The following TMEM132D variants were observed in gnomAD, a reference collection of about 807,000 sequenced individuals.
TMEM132D encodes transmembrane protein 132D.
In TMEM132D, 21 loss-of-function variants were observed where a neutral mutation model predicts 62.3. That is an observed-to-expected ratio of 0.34 (90% CI 0.24 to 0.49). The LOEUF (loss-of-function observed/expected upper bound fraction) is 0.49. Ranked by LOEUF, TMEM132D falls within the 20% of genes least tolerant of loss-of-function variation. The pLI is 0.99. For missense variants in TMEM132D, 1,346 were observed against 1,402.8 expected (o/e 0.96, Z 0.65); for synonymous variants, 621 against 575.6 (o/e 1.08, Z -1.13).
intron 6 of TMEM132D, among the ~76,000 whole-genome samples, chr12:129,082,329 G>A (rs1715493839): frequency 6.6e-6 from 1 of 152,184 alleles, no homozygotes; most frequent in Non-Finnish European, 1.5e-5. Context: ...GCTGGACCTA[G>A]TTTCTTTCAT....
chr12:129,380,555 C>A (rs1010781784), intron 3 of TMEM132D, among the ~76,000 whole-genome samples: 1 of 94,764 alleles, frequency 1.1e-5, no homozygotes, highest in African/African-American at 4.0e-5. Context: ...TACTTGCAGA[C>A]GTTGTGTGTG....
chr12:129,204,707 G>A (rs940129923), intron 5 of TMEM132D, among the ~76,000 whole-genome samples: 26 of 152,042 alleles, frequency 1.7e-4, no homozygotes, highest in African/African-American at 6.0e-4. Flanking sequence ...CAAGAAGAAC[G>A]TCCCCAAGAC....
rs1472033057 is a variant in TMEM132D at position 129,903,387 on chromosome 12, C to A, written c.-48G>T. ...CCTCCGCTCCCCGGCGCCGTCCAGGCGAACAAGAGACCGTCTCAGTCCCCT... is the reference window on the plus strand; with the variant it reads ...CCTCCGCTCCCCGGCGCCGTCCAGGAGAACAAGAGACCGTCTCAGTCCCCT... On this transcript the variant is annotated 5_prime_UTR_variant, in exon 1 of 9. Transcript: ENST00000422113. This position sits in a 1 kb window ranked among gnomAD's most constrained non-coding sequence, Gnocchi z 6.2. 3.9e-6 allele frequency: 6 copies of A among 1,539,476 alleles called. No homozygotes were observed. The highest frequency in any genetic ancestry group is 1.7e-4 in the Middle Eastern group (1 of 5,858).
intron 1 of TMEM132D, among the ~76,000 whole-genome samples, chr12:129,792,009 CGTT>C (rs1459154015): frequency 6.6e-6 from 1 of 152,200 alleles, no homozygotes; most frequent in Non-Finnish European, 1.5e-5. Flanking sequence ...TCAAGGGTGA[CGTT>C]GTGAGGGGGC....
intron 2 of TMEM132D, among the ~76,000 whole-genome samples, chr12:129,587,960 G>A (rs965550218): frequency 6.6e-6 from 1 of 152,172 alleles, no homozygotes; most frequent in African/African-American, 2.4e-5. Flanking sequence ...TCCTGGTGCA[G>A]ACAGACCTGA....
At chr12:129,425,502 G>C (rs146514622) in intron 3 of TMEM132D, among the ~76,000 whole-genome samples, 1 of 150,008 alleles carries the variant, frequency 6.7e-6, no homozygotes, top group African/African-American at 2.5e-5. Flanking sequence ...CTGGCTTAAT[G>C]TTCTTTGCAA....
At chr12:129,094,321 A>T (rs1281816525) in intron 5 of TMEM132D, among the ~76,000 whole-genome samples, 1 of 152,270 alleles carries the variant, frequency 6.6e-6, no homozygotes, top group Admixed American at 6.5e-5. Flanking sequence ...CAATGAACTC[A>T]AACAAATTTA....
At chr12:129,087,752 T>C (rs1323704575) in intron 5 of TMEM132D, among the ~76,000 whole-genome samples, 1 of 152,204 alleles carries the variant, frequency 6.6e-6, no homozygotes, top group East Asian at 1.9e-4. Flanking sequence ...TACATGGGTG[T>C]CCACCATCTC....
At chr12:129,079,935 C>T (rs918260617) in intron 7 of TMEM132D, among the ~76,000 whole-genome samples, 1 of 152,184 alleles carries the variant, frequency 6.6e-6, no homozygotes. Flanking sequence ...TTCCCTGACA[C>T]CTGGTTTCAG....
intron 8 of TMEM132D, among the ~76,000 whole-genome samples, chr12:129,077,577 T>C (rs1874306223): frequency 6.6e-6 from 1 of 151,812 alleles, no homozygotes; most frequent in African/African-American, 2.4e-5. Flanking sequence ...CACATACACA[T>C]ATACATGCAC....
chr12:129,543,305 GAT>G (rs1876637793), intron 2 of TMEM132D, among the ~76,000 whole-genome samples: 2 of 129,342 alleles, frequency 1.5e-5, no homozygotes, highest in African/African-American at 3.5e-5. Flanking sequence ...TGGGTGGGTG[GAT>G]GGATAGATGG....
intron 1 of TMEM132D, among the ~76,000 whole-genome samples, chr12:129,809,329 T>A (rs112971536): frequency 5.3e-4 from 81 of 151,896 alleles, no homozygotes; most frequent in African/African-American, 1.9e-3. Context: ...AAAAAATTTT[T>A]TTTTGAACGC....
At chr12:129,681,120 G>A (rs7307841) in intron 2 of TMEM132D, among the ~76,000 whole-genome samples, 46,555 of 152,064 alleles carry the variant, frequency 0.31, 7,330 homozygotes, top group Admixed American at 0.35. Context: ...GCAGGGTAAG[G>A]GTAGAAAATA....
chr12:129,818,889 G>C (rs568775785), intron 1 of TMEM132D, among the ~76,000 whole-genome samples: 1 of 152,022 alleles, frequency 6.6e-6, no homozygotes, highest in African/African-American at 2.4e-5. Context: ...ACAAAAACTA[G>C]CTGGGCGTGG....
At chr12:129,666,105 C>T (rs993140078) in intron 2 of TMEM132D, among the ~76,000 whole-genome samples, 1 of 152,222 alleles carries the variant, frequency 6.6e-6, no homozygotes, top group Non-Finnish European at 1.5e-5. Context: ...TTTCCCTCCT[C>T]TTGGGGATCC....
At chr12:129,088,605 C>T (rs1273682933) in intron 5 of TMEM132D, among the ~76,000 whole-genome samples, 1 of 42,948 alleles carries the variant, frequency 2.3e-5, no homozygotes, top group Non-Finnish European at 3.9e-5. Context: ...CCTCCATGAC[C>T]GGGTGTCCTC....
At chr12:129,644,024 T>C (rs1016887303) in intron 2 of TMEM132D, among the ~76,000 whole-genome samples, 4 of 151,968 alleles carry the variant, frequency 2.6e-5, no homozygotes, top group Non-Finnish European at 5.9e-5. Flanking sequence ...CCAGCTAATT[T>C]TTGTATTTTT....
At chr12:129,725,211 C>A (rs1015420163) in intron 1 of TMEM132D, among the ~76,000 whole-genome samples, 1 of 152,136 alleles carries the variant, frequency 6.6e-6, no homozygotes, top group Non-Finnish European at 1.5e-5. Context: ...GCACAAGTAT[C>A]GTTTAATAAG....
chr12:129,381,456 CT>C (rs1334893826), intron 3 of TMEM132D, among the ~76,000 whole-genome samples: 1 of 152,134 alleles, frequency 6.6e-6, no homozygotes, highest in Non-Finnish European at 1.5e-5. Flanking sequence ...TTGGGACATC[CT>C]TTTTGTTTTT....
Sources: gnomAD v4.1 joint callset for allele counts (sites outside exome capture counted in the v4.1 genomes callset) on GRCh38, gnomAD v4.1.1 for gene constraint, Gnocchi (gnomAD v3.1) non-coding constraint, MANE v1.5 for transcripts, NCBI Gene and HGNC (gene_info 2026-07-23, HGNC 2026-07-21) for gene names.